Variants in LTBP1 observed in about 807,000 individuals in gnomAD.
LTBP1 encodes the protein latent transforming growth factor beta binding protein 1.
LTBP1 carries 129 observed loss-of-function variants against 207.6 expected under a neutral mutation model. The ratio of observed to expected loss-of-function variants is 0.62; its 90% CI spans 0.54 to 0.72. The LOEUF (loss-of-function observed/expected upper bound fraction) is 0.72, where lower values mean the gene tolerates loss of function less well. Ranked by LOEUF, LTBP1 falls within the 30% of genes least tolerant of loss-of-function variation. LTBP1 has a pLI of 0.00. For synonymous variants in LTBP1, 963 were observed against 833.7 expected (o/e 1.16, Z -2.67); for missense variants, 2,281 against 2,217.2 (o/e 1.03, Z -0.58).
At chr2:33,169,050 A>C (rs1044239521) in intron 5 of LTBP1, among the ~76,000 whole-genome samples, 2 of 152,194 alleles carry the variant, frequency 1.3e-5, no homozygotes, top group African/African-American at 4.8e-5. Context: ...AATAAAAAGG[A>C]GTTGTAGTCG....
At chr2:33,388,288 G>T (rs1019526377) in intron 31 of LTBP1, among the ~76,000 whole-genome samples, 2 of 152,184 alleles carry the variant, frequency 1.3e-5, no homozygotes, top group African/African-American at 2.4e-5. Flanking sequence ...GCCTCAGGAG[G>T]TGAAAACCAC....
intron 15 of LTBP1, among the ~76,000 whole-genome samples, chr2:33,272,079 G>A (rs2093333805): frequency 6.6e-6 from 1 of 152,210 alleles, no homozygotes; most frequent in African/African-American, 2.4e-5. Flanking sequence ...GTAAAATGCT[G>A]AAGTTCATAT....
chr2:33,227,799 C>CTTT (rs10548945), intron 9 of LTBP1, among the ~76,000 whole-genome samples: 2 of 53,344 alleles, frequency 3.7e-5, no homozygotes, highest in Non-Finnish European at 3.3e-5. Flanking sequence ...ATAAGAAGCT[C>CTTT]TTTTTTTTTT....
rs2095382907 is a variant in LTBP1, at chr2:33,398,904, A to G, written c.*359A>G. The G allele has an allele frequency of 6.3e-6, 1 of 157,806 alleles. No homozygotes were observed. The highest frequency in any genetic ancestry group is 2.4e-5 in the African/African-American group (1 of 41,736). The allele number at this position is 157,806 out of a possible 1,614,324, so 9.8% of individuals were successfully genotyped here. A position where few individuals can be genotyped will look rare whatever the true frequency, so the allele number is the denominator to read the frequency against. ...TTAAATAGTGGTGGAAATATTTTAT[A>G]TAATTTTCATTTTTTGGTTGTGCAG... On this transcript the variant is annotated 3_prime_UTR_variant, in exon 34 of 34. Transcript: ENST00000404816.
At chr2:33,201,944 C>A (rs988613817) in intron 7 of LTBP1, among the ~76,000 whole-genome samples, 1 of 150,464 alleles carries the variant, frequency 6.6e-6, no homozygotes, top group African/African-American at 2.4e-5. Context: ...CATTGGAGAA[C>A]AAGATTATCT....
chr2:33,365,385 T>A lies in LTBP1; in HGVS notation c.4593T>A (p.Ser1531Arg). 1 of 1,614,124 alleles carries A rather than the reference T, an allele frequency of 6.2e-7. No homozygotes were observed. Among genetic ancestry groups the A allele is most frequent in the Non-Finnish European group, 8.5e-7 (1 of 1,180,018 alleles). ...VYQDLCWEHLSDEYVCSRPLV... is the reference protein window; with the variant it reads ...VYQDLCWEHLRDEYVCSRPLV... ...AAGATTTGTGCTGGGAACATCTGAGTGATGAATACGTGTGTAGCCGGCCTC... is the reference window on the plus strand; with the variant it reads ...AAGATTTGTGCTGGGAACATCTGAGAGATGAATACGTGTGTAGCCGGCCTC... Residue 1531 changes from serine (S) to arginine (R), a missense_variant, in exon 31 of 34, where the codon AGT (serine) becomes AGA (arginine). Physicochemically the swap from Ser to Arg is moderately radical, Grantham distance 110. This residue lies in a region of LTBP1 where 1,671 missense variants were observed against 1,634.8 expected (regional missense o/e 1.02). Coordinates refer to ENST00000404816, the MANE Select transcript of LTBP1 (RefSeq NM_206943.4).
At chr2:33,322,523 T>A (rs2094370705) in intron 24 of LTBP1, among the ~76,000 whole-genome samples, 1 of 152,230 alleles carries the variant, frequency 6.6e-6, no homozygotes, top group African/African-American at 2.4e-5. Flanking sequence ...GGACTGGAGA[T>A]ACATTATATA....
At chr2:33,026,198 A>G (rs2075405377) in intron 3 of LTBP1, among the ~76,000 whole-genome samples, 1 of 152,140 alleles carries the variant, frequency 6.6e-6, no homozygotes, top group African/African-American at 2.4e-5. Context: ...AGTCAAACGG[A>G]TGATTTCCTT....
intron 3 of LTBP1, among the ~76,000 whole-genome samples, chr2:33,080,892 A>C (rs1386763129): frequency 1.3e-5 from 2 of 152,188 alleles, no homozygotes; most frequent in Non-Finnish European, 2.9e-5. Flanking sequence ...TTCCTTACCC[A>C]TTGCAAGGTT....
intron 13 of LTBP1, among the ~76,000 whole-genome samples, chr2:33,261,095 C>G (rs568112426): frequency 1.3e-5 from 2 of 152,152 alleles, no homozygotes; most frequent in Non-Finnish European, 2.9e-5. Context: ...AAGACTTGGT[C>G]AGAAACCGAA....
chr2:33,295,077 A>G (rs532853176), intron 20 of LTBP1, among the ~76,000 whole-genome samples: 1 of 151,986 alleles, frequency 6.6e-6, no homozygotes, highest in East Asian at 1.9e-4. Context: ...ATTTTTTTAT[A>G]TGTTCATTCC....
At chr2:33,266,148 G>A (rs1032158847) in intron 15 of LTBP1, among the ~76,000 whole-genome samples, 3 of 152,196 alleles carry the variant, frequency 2.0e-5, no homozygotes, top group Non-Finnish European at 2.9e-5. Context: ...CGCTGCCAGC[G>A]CCTGCTCCAG....
chr2:33,151,823 TTGTGTG>T (rs10526529), intron 5 of LTBP1, among the ~76,000 whole-genome samples: 9,693 of 129,140 alleles, frequency 0.075, 380 homozygotes, highest in African/African-American at 0.098. Context: ...GTATTCCATT[TTGTGTG>T]TGTGTGTGTG....
At chr2:33,188,549 A>G (rs1286058405) in intron 6 of LTBP1, 28 bp from the exon 7 acceptor site, 1 of 1,587,474 alleles carries the variant, frequency 6.3e-7, no homozygotes, top group South Asian at 1.1e-5. Flanking sequence ...ATTCAGGACT[A>G]ACAAGTTTTC....
At chr2:33,214,054 A>G (rs1377946) in intron 7 of LTBP1, among the ~76,000 whole-genome samples, 81,717 of 152,124 alleles carry the variant, frequency 0.54, 22,043 homozygotes, top group Middle Eastern at 0.62. Context: ...CTAACATTTT[A>G]AGCATATAAA....
chr2:33,289,506 C>G (rs573039154), intron 19 of LTBP1, among the ~76,000 whole-genome samples: 1 of 151,982 alleles, frequency 6.6e-6, no homozygotes, highest in Non-Finnish European at 1.5e-5. Context: ...ACTACAGGCA[C>G]GCACCACCAC....
chr2:32,971,479 A>G (rs1680871915), intron 2 of LTBP1, among the ~76,000 whole-genome samples: 2 of 152,032 alleles, frequency 1.3e-5, no homozygotes, highest in African/African-American at 4.8e-5. Context: ...TGCCTAGTTT[A>G]TTGAGGGTTT....
intron 2 of LTBP1, among the ~76,000 whole-genome samples, chr2:33,018,865 C>T (rs1688758113): frequency 6.7e-6 from 1 of 149,802 alleles, no homozygotes; most frequent in Non-Finnish European, 1.5e-5. Flanking sequence ...GGAGCTGGCT[C>T]CATTTTTTTT....
chr2:33,085,327 C>A (rs151198614), intron 3 of LTBP1, among the ~76,000 whole-genome samples: 1 of 152,196 alleles, frequency 6.6e-6, no homozygotes, highest in African/African-American at 2.4e-5. Context: ...AGTTAATACA[C>A]TGCCCAAACT....
Sources: allele counts gnomAD v4.1 joint callset (sites outside exome capture counted in the v4.1 genomes callset), GRCh38; gene constraint gnomAD v4.1.1; regional missense constraint gnomAD v4.1.1; transcripts MANE v1.5; gene names NCBI Gene and HGNC (gene_info 2026-07-23, HGNC 2026-07-21).